SH3RF3: variants seen among roughly 807,000 people sequenced by gnomAD.
SH3RF3 encodes E3 ubiquitin-protein ligase SH3RF3.
SH3RF3 carries 29 observed loss-of-function variants against 66.3 expected under a neutral mutation model. The observed-to-expected ratio is 0.44, with a 90% CI of 0.33 to 0.60. The LOEUF (loss-of-function observed/expected upper bound fraction) is 0.60, where lower values mean the gene tolerates loss of function less well. Ranked by LOEUF, SH3RF3 falls within the 20% of genes least tolerant of loss-of-function variation. SH3RF3 has a pLI of 0.04. For synonymous variants in SH3RF3, 583 were observed against 532.0 expected (o/e 1.10, Z -1.32); for missense variants, 1,194 against 1,190.9 (o/e 1.00, Z -0.04).
intron 2 of SH3RF3, among the ~76,000 whole-genome samples, chr2:109,358,927 T>G (rs1683003404): frequency 6.6e-6 from 1 of 152,228 alleles, no homozygotes; most frequent in African/African-American, 2.4e-5. Context: ...ATTTTACATT[T>G]AGGTCTGTGA....
intron 8 of SH3RF3, among the ~76,000 whole-genome samples, chr2:109,459,350 A>G (rs548519292): frequency 1.3e-5 from 2 of 152,234 alleles, no homozygotes; most frequent in East Asian, 3.9e-4. Flanking sequence ...TACTTTGTCT[A>G]CTATCCAATC....
chr2:109,249,514 T>TTTCCTTCCTTCC (rs1558981393), intron 1 of SH3RF3, among the ~76,000 whole-genome samples: 2 of 42,958 alleles, frequency 4.7e-5, no homozygotes, highest in Admixed American at 3.0e-4. Context: ...TCTTTCATTC[T>TTTCCTTCCTTCC]TTCTTTTTCT....
chr2:109,171,572 A>G (rs2104948635), intron 1 of SH3RF3, among the ~76,000 whole-genome samples: 1 of 152,352 alleles, frequency 6.6e-6, no homozygotes. Flanking sequence ...AACACGGAGC[A>G]CAGGGAGCTA....
chr2:109,478,728 ATCT>A (rs1678756495), intron 8 of SH3RF3, among the ~76,000 whole-genome samples: 1 of 152,256 alleles, frequency 6.6e-6, no homozygotes, highest in South Asian at 2.1e-4. Context: ...CGTAGGTAAG[ATCT>A]TCTTGCTCAG....
intron 1 of SH3RF3, among the ~76,000 whole-genome samples, chr2:109,257,974 C>T (rs950396497): frequency 6.7e-6 from 1 of 148,432 alleles, no homozygotes; most frequent in Non-Finnish European, 1.5e-5. Flanking sequence ...ATTTCTTTCC[C>T]TGCTTGATTG....
intron 1 of SH3RF3, among the ~76,000 whole-genome samples, chr2:109,132,238 C>A (rs1259260268): frequency 6.6e-6 from 1 of 152,056 alleles, no homozygotes; most frequent in Admixed American, 6.6e-5. Context: ...TTCTTTTGGG[C>A]CAATTAGGGT....
chr2:109,210,458 A>T (rs1336574722), intron 1 of SH3RF3, among the ~76,000 whole-genome samples: 1 of 152,230 alleles, frequency 6.6e-6, no homozygotes, highest in Non-Finnish European at 1.5e-5. Context: ...AGAGTTGCCC[A>T]GCAGCCTGGA....
At chr2:109,249,330 A>G (rs1417837702) in intron 1 of SH3RF3, among the ~76,000 whole-genome samples, 1 of 152,156 alleles carries the variant, frequency 6.6e-6, no homozygotes, top group Admixed American at 6.5e-5. Context: ...CTAACACATA[A>G]TCTTTGCAAA....
intron 1 of SH3RF3, among the ~76,000 whole-genome samples, chr2:109,219,899 G>A (rs1458876863): frequency 1.3e-5 from 2 of 152,124 alleles, no homozygotes; most frequent in African/African-American, 2.4e-5. Flanking sequence ...CCCCAATGGC[G>A]TTTTTTAGAG....
intron 1 of SH3RF3, among the ~76,000 whole-genome samples, chr2:109,205,755 C>T (rs1678795383): frequency 6.6e-6 from 1 of 152,202 alleles, no homozygotes; most frequent in Non-Finnish European, 1.5e-5. Context: ...CAGCCCCGCT[C>T]TGTGCAGCCT....
At chr2:109,425,122 C>G (rs1676993019) in intron 5 of SH3RF3, among the ~76,000 whole-genome samples, 1 of 152,230 alleles carries the variant, frequency 6.6e-6, no homozygotes, top group African/African-American at 2.4e-5. Flanking sequence ...CCAACTGCAA[C>G]ATTCCCTTAA....
chr2:109,237,670 G>T (rs1342936071), intron 1 of SH3RF3, among the ~76,000 whole-genome samples: 2 of 152,250 alleles, frequency 1.3e-5, no homozygotes, highest in East Asian at 3.9e-4. Context: ...GCCCAAGACG[G>T]TTCTTCCAGT....
chr2:109,203,590 C>T (rs1470873565), intron 1 of SH3RF3, among the ~76,000 whole-genome samples: 1 of 152,142 alleles, frequency 6.6e-6, no homozygotes, highest in Admixed American at 6.5e-5. Flanking sequence ...CTCTCTGGAA[C>T]ACTGTTCTCC....
intron 1 of SH3RF3, among the ~76,000 whole-genome samples, chr2:109,314,888 C>T (rs1025374): frequency 0.31 from 47,443 of 152,114 alleles, 9,170 homozygotes; most frequent in African/African-American, 0.55. Context: ...GAGATTGAAG[C>T]AGAGCTAAGC....
chr2:109,221,373 A>G (rs1274613812), intron 1 of SH3RF3, among the ~76,000 whole-genome samples: 1 of 152,180 alleles, frequency 6.6e-6, no homozygotes, highest in Non-Finnish European at 1.5e-5. Context: ...ACTTGAGCTC[A>G]GGCGTTTGAG....
chr2:109,225,737 A>G (rs1679360019), intron 1 of SH3RF3, among the ~76,000 whole-genome samples: 2 of 152,218 alleles, frequency 1.3e-5, no homozygotes, highest in Non-Finnish European at 2.9e-5. Context: ...TTTAAGATTT[A>G]TTTTTATAAG....
chr2:109,307,997 A>G (rs1681639176), intron 1 of SH3RF3, among the ~76,000 whole-genome samples: 1 of 143,010 alleles, frequency 7.0e-6, no homozygotes, highest in Non-Finnish European at 1.5e-5. Context: ...AGGAATCGCC[A>G]CACTGACTTC....
At chr2:109,232,075 T>C (rs1338028627) in intron 1 of SH3RF3, among the ~76,000 whole-genome samples, 9 of 152,256 alleles carry the variant, frequency 5.9e-5, no homozygotes, top group Non-Finnish European at 1.3e-4. Context: ...GGGGCTATTA[T>C]GAACAATGCC....
At chr2:109,421,705 G>A (rs1676888958) in intron 5 of SH3RF3, among the ~76,000 whole-genome samples, 1 of 152,164 alleles carries the variant, frequency 6.6e-6, no homozygotes. Context: ...TGGGTAAGAG[G>A]GAAGGGAAAC....
Sources: allele counts gnomAD v4.1 joint callset (sites outside exome capture counted in the v4.1 genomes callset), GRCh38; gene constraint gnomAD v4.1.1; transcripts MANE v1.5; gene names NCBI Gene and HGNC (gene_info 2026-07-23, HGNC 2026-07-21).